Variants in NARF observed in about 807,000 individuals in gnomAD.
NARF encodes the protein iron-only hydrogenase-like protein 2.
A neutral mutation model predicts 48.0 loss-of-function variants in NARF; 41 were observed. The observed-to-expected ratio is 0.85, with a 90% CI of 0.66 to 1.11. The LOEUF is 1.11. Among genes scored for constraint, NARF ranks in the 50% least tolerant of loss-of-function variants. The pLI is 0.00. For synonymous variants in NARF, 215 were observed against 225.5 expected (o/e 0.95, Z 0.42); for missense variants, 613 against 590.2 (o/e 1.04, Z -0.40).
chr17:82,474,084 C>T lies in NARF; in HGVS notation c.520+1386C>T, dbSNP rs1415011844. On this transcript the variant is annotated intron_variant, in intron 5 of 10. Transcript: ENST00000309794. ...CCTGTAATCACAGCTACTACGAATC[C>T]TAGCCTGAGGTGTTTGAGCCAAGGA... 7.9e-5 allele frequency among the ~76,000 whole-genome samples: 12 copies of T among 152,078 alleles called. No individual in the cohort carries two copies. In the South Asian group the frequency reaches 2.5e-3, roughly 32 times the overall value.
rs1365924989 is a variant in NARF, at chr17:82,464,275, C to T, written c.109-12C>T. ...TTGTTGAATAATCATGCTGAAACGTCATCTTTCATAGAAGGGAGAATTCCA... is the reference window on the plus strand; with the variant it reads ...TTGTTGAATAATCATGCTGAAACGTTATCTTTCATAGAAGGGAGAATTCCA... On this transcript the variant is annotated splice_polypyrimidine_tract_variant and intron_variant, in intron 2 of 10. Coordinates refer to ENST00000309794, the MANE Select transcript of NARF (RefSeq NM_012336.4). 6.2e-7 allele frequency: 1 copy of T among 1,611,408 alleles called. No individual in the cohort carries two copies. Among genetic ancestry groups the T allele is most frequent in the Admixed American group, 1.7e-5 (1 of 59,312 alleles).
intron 7 of NARF, chr17:82,482,632 C>T (rs2043999429): frequency 6.5e-6 from 1 of 153,062 alleles, no homozygotes; most frequent in African/African-American, 2.4e-5. Context: ...GAAAGTGGTT[C>T]TCACTTTCAG....
At position 82,483,809 on chromosome 17, in the gene NARF, G is replaced by C. The variant is rs760994815; in HGVS notation, c.833+30G>C. On this transcript the variant is annotated intron_variant, in intron 8 of 10. Transcript: ENST00000309794. ...GTGGCTTCTCTGGGGAGAGTCCTCTGGGGGGCAGGACCTCTCGTCAGCCCT... is the reference window on the plus strand; with the variant it reads ...GTGGCTTCTCTGGGGAGAGTCCTCTCGGGGGCAGGACCTCTCGTCAGCCCT... The C allele has an allele frequency of 2.0e-5, 32 of 1,607,840 alleles. No homozygotes were observed. In the Admixed American group the frequency reaches 5.3e-4, roughly 27 times the overall value.
At chr17:82,462,686 TA>T in intron 2 of NARF, 1 of 152,290 alleles carries the variant, frequency 6.6e-6, no homozygotes, top group Non-Finnish European at 1.5e-5. Context: ...GCAGGCCTGA[TA>T]AAAGGGAACA....
At chr17:82,482,883 C>G (rs549114361) in intron 7 of NARF, 2 of 151,958 alleles carry the variant, frequency 1.3e-5, no homozygotes, top group Non-Finnish European at 2.9e-5. Flanking sequence ...ACCTCCGCGC[C>G]TCCTAGGATC....
In NARF at chr17:82,488,678, G is replaced by A. The variant is rs1223137537; in HGVS notation, c.*521G>A. On this transcript the variant is annotated 3_prime_UTR_variant, in exon 11 of 11. Transcript: ENST00000309794. ...ATGAGCCACCGTGCCTGGCAGATTGGAACGTTTTAACATGAGAGGAGCACT... is the reference window on the plus strand; with the variant it reads ...ATGAGCCACCGTGCCTGGCAGATTGAAACGTTTTAACATGAGAGGAGCACT... 6.4e-6 allele frequency: 1 copy of A among 156,836 alleles called. No homozygotes were observed. The highest frequency in any genetic ancestry group is 1.4e-5 in the Non-Finnish European group (1 of 70,644). 9.7% of individuals were successfully genotyped at this position (156,836 alleles called of 1,614,324 possible). A position where few individuals can be genotyped will look rare whatever the true frequency, so the allele number is the denominator to read the frequency against.
chr17:82,479,129 T>C, intron 6 of NARF: 1 of 447,800 alleles, frequency 2.2e-6, no homozygotes, highest in Non-Finnish European at 4.0e-6. Flanking sequence ...TTTTTCTTTC[T>C]TCTTAACCTT....
At chr17:82,464,867 A>G (rs1348884032) in intron 3 of NARF, among the ~76,000 whole-genome samples, 1 of 152,170 alleles carries the variant, frequency 6.6e-6, no homozygotes, top group Non-Finnish European at 1.5e-5. Context: ...AAAATTCCCA[A>G]AGCTCCTTCC....
chr17:82,482,267 C>T (rs756170254), intron 7 of NARF: 18 of 432,428 alleles, frequency 4.2e-5, no homozygotes, highest in African/African-American at 8.3e-5. Flanking sequence ...AGCACGCAGA[C>T]GCCTCTGGAA....
intron 4 of NARF, among the ~76,000 whole-genome samples, chr17:82,471,920 C>T (rs1296868774): frequency 6.6e-6 from 1 of 151,584 alleles, no homozygotes; most frequent in African/African-American, 2.4e-5. Context: ...GCTGTGGGTA[C>T]GTTGTAATAT....
chr17:82,463,154 C>T (rs1016178357), intron 2 of NARF: 3 of 152,126 alleles, frequency 2.0e-5, no homozygotes, highest in Non-Finnish European at 4.4e-5. Flanking sequence ...CATCCATAGC[C>T]GTCTCCTGTC....
chr17:82,481,334 T>C, intron 7 of NARF, 123 bp downstream of exon 7: 1 of 1,426,574 alleles, frequency 7.0e-7, no homozygotes, highest in South Asian at 1.3e-5. Context: ...GTCGCTTGTC[T>C]GAAGTTACTG....
chr17:82,468,291 A>G (rs1220924812), intron 3 of NARF, among the ~76,000 whole-genome samples: 2 of 151,292 alleles, frequency 1.3e-5, no homozygotes, highest in South Asian at 2.1e-4. Flanking sequence ...AGCCTGGGCA[A>G]CAAGGGTGAA....
rs2044174133 is a variant in NARF, at chr17:82,490,298, T to A, written c.*2141T>A. On this transcript the variant is annotated 3_prime_UTR_variant, in exon 11 of 11. Transcript: ENST00000309794. ...CCTGAAGCACTGGGATTGGATTAAC[T>A]CGAGCGATGGCCTTCCCAGCCCTCC... The A allele has an allele frequency of 6.6e-6, 1 of 152,286 alleles. No homozygotes were observed. The highest frequency in any genetic ancestry group is 2.4e-5 in the African/African-American group (1 of 41,458). 9.4% of individuals were successfully genotyped at this position (152,286 alleles called of 1,614,324 possible).
At chr17:82,485,073 A>G in intron 9 of NARF, 123 bp downstream of exon 9, 4 of 1,265,072 alleles carry the variant, frequency 3.2e-6, no homozygotes, top group Non-Finnish European at 4.2e-6. Context: ...AATCAAAAGG[A>G]CTTTTTTGTG....
At chr17:82,484,074 G>C in intron 8 of NARF, 1 of 350,540 alleles carries the variant, frequency 2.9e-6, no homozygotes, top group Non-Finnish European at 5.3e-6. Flanking sequence ...GCTGGCGCAG[G>C]GCTGTTCATG....
At chr17:82,458,945 C>T (rs887259820) in intron 1 of NARF, 115 bp downstream of exon 1, 57 of 1,226,498 alleles carry the variant, frequency 4.6e-5, no homozygotes, top group Non-Finnish European at 5.3e-5. Context: ...CTTCAAGGCG[C>T]CCCCGGCCTC....
intron 5 of NARF, chr17:82,477,921 TCTGA>T (rs2043871593): frequency 6.6e-6 from 1 of 152,258 alleles, no homozygotes; most frequent in African/African-American, 2.4e-5. Context: ...GATTATCATG[TCTGA>T]CTGTGGGACA....
chr17:82,467,234 A>G (rs967161774), intron 3 of NARF, among the ~76,000 whole-genome samples: 5 of 142,540 alleles, frequency 3.5e-5, no homozygotes, highest in African/African-American at 1.3e-4. Context: ...TTTAGTAGAG[A>G]TGGGGTTTCT....
Sources: allele counts gnomAD v4.1 joint callset (sites outside exome capture counted in the v4.1 genomes callset), GRCh38; gene constraint gnomAD v4.1.1; transcripts MANE v1.5; gene names NCBI Gene and HGNC (gene_info 2026-07-23, HGNC 2026-07-21).